The following ASTN2 variants were observed in gnomAD, a reference collection of about 807,000 sequenced individuals.
ASTN2 encodes astrotactin 2.
In ASTN2, 54 loss-of-function variants were observed where a neutral mutation model predicts 139.8. That is an observed-to-expected ratio of 0.39 (90% CI 0.31 to 0.48). The LOEUF is 0.48. Ranked by LOEUF, ASTN2 falls within the 20% of genes least tolerant of loss-of-function variation. The probability of loss-of-function intolerance (pLI) is 0.95; values close to 1 mark genes in which losing one functional copy is unlikely to be tolerated. For synonymous variants in ASTN2, 756 were observed against 719.5 expected, an observed-to-expected ratio of 1.05 and a Z score of -0.81; for missense variants, 1,565 against 1,725.1, an observed-to-expected ratio of 0.91 and a Z score of 1.64.
intron 3 of ASTN2, among the ~76,000 whole-genome samples, chr9:117,177,351 C>T (rs963897343): frequency 6.6e-6 from 1 of 152,188 alleles, no homozygotes; most frequent in South Asian, 2.1e-4. Flanking sequence ...TAACTTGACT[C>T]AGTCCTACAG....
chr9:116,966,757 A>G (rs182838446), intron 10 of ASTN2, among the ~76,000 whole-genome samples: 45 of 150,310 alleles, frequency 3.0e-4, no homozygotes, highest in Non-Finnish European at 4.4e-4. Context: ...GCTAATGCCC[A>G]TATTCCATGA....
intron 5 of ASTN2, among the ~76,000 whole-genome samples, chr9:117,087,750 C>T (rs1430431958): frequency 6.6e-6 from 1 of 152,172 alleles, no homozygotes; most frequent in Non-Finnish European, 1.5e-5. Context: ...ACTTATCCTC[C>T]TTTACCCAAG....
chr9:116,776,982 G>A (rs1458932030), intron 13 of ASTN2, among the ~76,000 whole-genome samples: 4 of 152,280 alleles, frequency 2.6e-5, no homozygotes, highest in Admixed American at 6.5e-5. Context: ...AGGAGACATC[G>A]TAAAGGTTCT....
chr9:116,971,666 G>C (rs1213032764), intron 10 of ASTN2, among the ~76,000 whole-genome samples: 2 of 152,144 alleles, frequency 1.3e-5, no homozygotes, highest in Non-Finnish European at 2.9e-5. Context: ...TTGCACCATA[G>C]GTCGTCTTTA....
chr9:117,026,824 T>G (rs1284448897), intron 6 of ASTN2, among the ~76,000 whole-genome samples: 1 of 152,172 alleles, frequency 6.6e-6, no homozygotes, highest in Non-Finnish European at 1.5e-5. Context: ...AAGGGGCTAT[T>G]GTTTTCCAAG....
chr9:116,820,718 G>A lies in ASTN2; in HGVS notation c.2106C>T (p.Asp702=). ...AGCCGCCATTAAAGCCATCAGAGCA[G>A]TCAATGCCTTTGGAGTGGTCGTAGC... ...SGCYDHSKGI[D]CSDGFNGGCE... The change falls in exon 12 of 23, where the codon GAC becomes GAT. Residue 702 remains aspartate (D), a synonymous_variant. Coordinates refer to ENST00000313400, the MANE Select transcript of ASTN2 (RefSeq NM_001365068.1). 1 of 1,614,256 alleles carries A rather than the reference G, an allele frequency of 6.2e-7. No homozygotes were observed. Among genetic ancestry groups the A allele is most frequent in the Non-Finnish European group, 8.5e-7 (1 of 1,180,044 alleles).
chr9:117,239,538 T>C (rs1833146155), intron 2 of ASTN2, among the ~76,000 whole-genome samples: 1 of 152,142 alleles, frequency 6.6e-6, no homozygotes, highest in Non-Finnish European at 1.5e-5. Context: ...AGAATAATAA[T>C]AAAGAGCTAA....
chr9:117,183,162 G>T (rs1831117308), intron 3 of ASTN2, among the ~76,000 whole-genome samples: 1 of 152,112 alleles, frequency 6.6e-6, no homozygotes, highest in Non-Finnish European at 1.5e-5. Context: ...ATTAGTAATT[G>T]TGTGATAAGT....
intron 19 of ASTN2, among the ~76,000 whole-genome samples, chr9:116,513,424 G>C (rs1420568224): frequency 6.6e-6 from 1 of 152,152 alleles, no homozygotes; most frequent in South Asian, 2.1e-4. Context: ...CTCTCTGACT[G>C]CCCTTAACAT....
chr9:116,898,518 A>T (rs546921810), intron 10 of ASTN2, among the ~76,000 whole-genome samples: 1 of 152,306 alleles, frequency 6.6e-6, no homozygotes, highest in South Asian at 2.1e-4. Flanking sequence ...CAAGATTGAC[A>T]AAACAGACCA....
chr9:117,131,840 G>GTGTGAAAC (rs1406757462), intron 4 of ASTN2, among the ~76,000 whole-genome samples: 1 of 152,176 alleles, frequency 6.6e-6, no homozygotes, highest in Non-Finnish European at 1.5e-5. Context: ...TCTGTAAAAT[G>GTGTGAAAC]TGTGAAACCA....
chr9:116,809,243 T>C (rs565917953), intron 12 of ASTN2, among the ~76,000 whole-genome samples: 74 of 152,218 alleles, frequency 4.9e-4, no homozygotes, highest in Non-Finnish European at 9.9e-4. Context: ...GGTTATTTAA[T>C]ATGCATGGCA....
chr9:116,620,507 T>A (rs1856084256), intron 17 of ASTN2, 64 bp from the exon 18 acceptor site: 1 of 1,599,560 alleles, frequency 6.3e-7, no homozygotes, highest in Non-Finnish European at 8.5e-7. Context: ...AGAGTAAATG[T>A]GCTGATGGCC....
intron 16 of ASTN2, among the ~76,000 whole-genome samples, chr9:116,705,338 AGAT>A (rs1827963039): frequency 1.3e-5 from 2 of 152,228 alleles, no homozygotes; most frequent in Admixed American, 1.3e-4. Context: ...TGTGATATAA[AGAT>A]GATATGAAAC....
At chr9:116,888,230 A>G (rs980179793) in intron 10 of ASTN2, among the ~76,000 whole-genome samples, 1 of 151,976 alleles carries the variant, frequency 6.6e-6, no homozygotes, top group Non-Finnish European at 1.5e-5. Context: ...TGCTCATACC[A>G]CTGCACTCCA....
intron 12 of ASTN2, among the ~76,000 whole-genome samples, chr9:116,807,867 T>G (rs1831066864): frequency 6.6e-6 from 1 of 151,706 alleles, no homozygotes; most frequent in Admixed American, 6.6e-5. Flanking sequence ...ATCCCAACAC[T>G]TTAGGAGGAT....
intron 3 of ASTN2, among the ~76,000 whole-genome samples, chr9:117,196,237 A>G (rs1378218385): frequency 6.6e-6 from 1 of 152,138 alleles, no homozygotes; most frequent in Non-Finnish European, 1.5e-5. Flanking sequence ...ATTAGTACAC[A>G]CCTCATAGGG....
At chr9:117,128,191 T>C (rs1829743700) in intron 4 of ASTN2, among the ~76,000 whole-genome samples, 1 of 151,780 alleles carries the variant, frequency 6.6e-6, no homozygotes, top group South Asian at 2.1e-4. Flanking sequence ...CTGGCCAACA[T>C]GGTGAAACCC....
Position 117,214,356 on chromosome 9 carries a change from A to G in ASTN2, c.1015+2T>C. 6.3e-7 allele frequency: 1 copy of G among 1,579,652 alleles called. No individual in the cohort carries two copies. The highest frequency in any genetic ancestry group is 1.1e-5 in the South Asian group (1 of 87,874). ...AAATGGGCTGTGACATGGAGGACTC[A>G]CCTTTCTTCTCAAAGTCCACCTTCT... On this transcript the variant is annotated splice_donor_variant, in intron 3 of 22. Coordinates refer to ENST00000313400, the MANE Select transcript of ASTN2 (RefSeq NM_001365068.1). LOFTEE classifies it high-confidence loss of function.
Sources: gnomAD v4.1 joint callset for allele counts (sites outside exome capture counted in the v4.1 genomes callset) on GRCh38, gnomAD v4.1.1 for gene constraint, MANE v1.5 for transcripts, NCBI Gene and HGNC (gene_info 2026-07-23, HGNC 2026-07-21) for gene names.